The following ARFGEF2 variants were observed in gnomAD, a reference collection of about 807,000 sequenced individuals.
The protein encoded by ARFGEF2 is brefeldin A-inhibited guanine nucleotide-exchange protein 2.
Under a neutral mutation model 219.9 loss-of-function variants are expected in ARFGEF2, and 74 were observed. That is an observed-to-expected ratio of 0.34 (90% confidence interval 0.28 to 0.41). The LOEUF (loss-of-function observed/expected upper bound fraction) is 0.41. ARFGEF2 is among the 10% of genes least tolerant of loss of function. ARFGEF2 has a pLI of 1.00. For synonymous variants in ARFGEF2, 733 were observed against 799.2 expected (o/e 0.92, Z 1.40); for missense variants, 1,743 against 2,218.3 (o/e 0.79, Z 4.30).
chr20:49,008,008 T>C (rs1282765833), intron 26 of ARFGEF2, among the ~76,000 whole-genome samples: 2 of 152,080 alleles, frequency 1.3e-5, no homozygotes, highest in Non-Finnish European at 2.9e-5. Context: ...TCAGATACTG[T>C]TGGTGGAACT....
rs201783984 is a variant in ARFGEF2 at position 48,949,001 on chromosome 20, T to TA, written c.277-2321dup. ...ATAAGAAAAATAATTACGTTTGTCT[T>TA]ACTATTGTATCCCCAGTGCCCAGAA... On this transcript the variant is annotated intron_variant, in intron 3 of 38. Transcript: ENST00000371917. 8.9e-3 allele frequency among the ~76,000 whole-genome samples: 1,351 copies of TA among 152,304 alleles called. 11 individuals carry two copies. The highest frequency in any genetic ancestry group is 0.017 in the Middle Eastern group (5 of 294).
rs1485359971 is a variant in ARFGEF2, at chr20:49,033,878, G to A, written c.*679G>A. ...TTGCGAGGTTAAAAAAATGTGCCTC[G>A]TGGATCTCCCTGTTTTAGTAACATG... is the stretch of plus-strand genomic sequence containing the variant. On this transcript the variant is annotated 3_prime_UTR_variant, in exon 39 of 39. Coordinates refer to ENST00000371917, the MANE Select transcript of ARFGEF2 (RefSeq NM_006420.3). The A allele has an allele frequency of 2.0e-5, 3 of 152,480 alleles. No homozygotes were observed. Among genetic ancestry groups the A allele is most frequent in the Non-Finnish European group, 2.9e-5 (2 of 68,058 alleles). The allele number at this position is 152,480 out of a possible 1,614,324, so 9.4% of individuals were successfully genotyped here.
chr20:49,017,576 TGTC>T (rs1406365385), intron 33 of ARFGEF2, 26 bp downstream of exon 33: 2 of 1,613,462 alleles, frequency 1.2e-6, no homozygotes, highest in South Asian at 2.2e-5. Context: ...TTTCTTTGGT[TGTC>T]TTTTCTTTTT....
At chr20:49,030,027 C>T (rs1199697647) in intron 37 of ARFGEF2, among the ~76,000 whole-genome samples, 2 of 151,122 alleles carry the variant, frequency 1.3e-5, no homozygotes, top group African/African-American at 4.9e-5. Flanking sequence ...TCTGCATCAG[C>T]CTCCCGAGTA....
At chr20:48,963,317 T>C (rs1421750000) in intron 6 of ARFGEF2, among the ~76,000 whole-genome samples, 1 of 152,218 alleles carries the variant, frequency 6.6e-6, no homozygotes, top group Non-Finnish European at 1.5e-5. Context: ...GTTAACATTT[T>C]ACAGAATAAT....
Position 48,953,798 on chromosome 20 carries a change from CTGATACGGTATG to C in ARFGEF2, c.838+9_838+20del. 6.2e-7 allele frequency: 1 copy of C among 1,612,298 alleles called. No individual in the cohort carries two copies. On this transcript the variant is annotated intron_variant, in intron 6 of 38. Coordinates refer to ENST00000371917, the MANE Select transcript of ARFGEF2 (RefSeq NM_006420.3). Reference sequence around the variant, plus strand: ...GAGGCTCATCACTGTCAGGTACGGGCTGATACGGTATGGCTCTTTTTCCAAGTGTGAGAGGGA... The same window carrying C: ...GAGGCTCATCACTGTCAGGTACGGGCGCTCTTTTTCCAAGTGTGAGAGGGA...
chr20:48,966,211 G>C (rs1249003732), intron 8 of ARFGEF2, among the ~76,000 whole-genome samples, 188 bp downstream of exon 8: 2 of 152,106 alleles, frequency 1.3e-5, no homozygotes, highest in East Asian at 3.9e-4. Context: ...ATGTTGCTTG[G>C]TATATAACAT....
chr20:48,945,621 T>TGGAAGGCC (rs2091020977), intron 3 of ARFGEF2, among the ~76,000 whole-genome samples: 1 of 152,164 alleles, frequency 6.6e-6, no homozygotes, highest in South Asian at 2.1e-4. Context: ...CCCAGCACTT[T>TGGAAGGCC]GAGGCAGGAG....
intron 6 of ARFGEF2, among the ~76,000 whole-genome samples, chr20:48,958,666 TCTC>T (rs1391390644): frequency 6.6e-6 from 1 of 151,982 alleles, no homozygotes; most frequent in Non-Finnish European, 1.5e-5. Context: ...ATGGTCTCGA[TCTC>T]CTGACCTCGT....
At chr20:48,995,393 C>G (rs893858005) in intron 22 of ARFGEF2, among the ~76,000 whole-genome samples, 1 of 152,054 alleles carries the variant, frequency 6.6e-6, no homozygotes, top group Non-Finnish European at 1.5e-5. Context: ...TTAGGGTTCT[C>G]GTGAGGATGA....
intron 34 of ARFGEF2, among the ~76,000 whole-genome samples, chr20:49,021,242 G>GA (rs983061001): frequency 2.9e-5 from 4 of 139,286 alleles, no homozygotes; most frequent in Admixed American, 7.1e-5. Flanking sequence ...TCTCTAAGAA[G>GA]AAAAAAAAAA....
In ARFGEF2 at chr20:48,973,198, G is replaced by A. The variant is rs1322615138; in HGVS notation, c.1579G>A (p.Ala527Thr). 6 of 1,614,034 alleles carry A rather than the reference G, an allele frequency of 3.7e-6. No individual in the cohort carries two copies. Among genetic ancestry groups the A allele is most frequent in the Non-Finnish European group, 5.1e-6 (6 of 1,180,004 alleles). The change falls in exon 12 of 39, where the codon GCT becomes ACT. Residue 527 changes from alanine (A) to threonine (T), a missense_variant. Ala to Thr is a moderately conservative substitution (Grantham distance 58). Coordinates refer to ENST00000371917, the MANE Select transcript of ARFGEF2 (RefSeq NM_006420.3). ...YVNYDCDLNA[A>T]NIFERLVNDL... ...CAACTACGACTGTGATTTAAATGCT[G>A]CTAACATTTTTGAGCGCCTTGTAAA...
intron 14 of ARFGEF2, among the ~76,000 whole-genome samples, chr20:48,979,811 CGGT>C (rs1464694282): frequency 2.0e-5 from 3 of 152,050 alleles, no homozygotes; most frequent in Non-Finnish European, 4.4e-5. Flanking sequence ...TCTGTGGGAT[CGGT>C]GGTGATATCC....
chr20:49,025,275 T>G lies in ARFGEF2; in HGVS notation c.4756-38T>G, dbSNP rs765859620. The G allele has an allele frequency of 2.5e-6, 4 of 1,585,772 alleles. No homozygotes were observed. In the South Asian group the frequency reaches 4.6e-5, roughly 18 times the overall value. On this transcript the variant is annotated intron_variant, in intron 35 of 38. Transcript: ENST00000371917. ...TCACAATGCCCAGAGCATTCCATCT[T>G]CTTCATTAGCTCTTCTATCCTCTGT...
rs750978690 is a variant in ARFGEF2 at position 49,016,434 on chromosome 20, G to T, written c.4315+19G>T. On this transcript the variant is annotated intron_variant, in intron 31 of 38. Coordinates refer to ENST00000371917, the MANE Select transcript of ARFGEF2 (RefSeq NM_006420.3). ...AAACAAGGTACTCTTTAAGCCTCTAGGCATCATTTTTCTTACATAGTCTTT... is the reference window on the plus strand; with the variant it reads ...AAACAAGGTACTCTTTAAGCCTCTATGCATCATTTTTCTTACATAGTCTTT... The T allele has an allele frequency of 4.4e-6, 7 of 1,608,962 alleles. No individual in the cohort carries two copies. In the East Asian group the frequency reaches 1.6e-4, roughly 36 times the overall value.
intron 28 of ARFGEF2, among the ~76,000 whole-genome samples, chr20:49,012,587 G>A (rs1394312609): frequency 1.3e-5 from 2 of 152,120 alleles, no homozygotes; most frequent in Non-Finnish European, 2.9e-5. Flanking sequence ...ACTGAAATAG[G>A]GTGAAAACAA....
At position 48,988,813 on chromosome 20, in the gene ARFGEF2, C is replaced by CA. The variant is rs368602759; in HGVS notation, c.2533+151_2533+152insA. On this transcript the variant is annotated intron_variant, in intron 18 of 38. Transcript: ENST00000371917. ...ATTAATTATTGTGATTATGTTGGGACTTTTATAATGTCACTGTCTTGCTAG... is the reference window on the plus strand; with the variant it reads ...ATTAATTATTGTGATTATGTTGGGACATTTTATAATGTCACTGTCTTGCTAG... 7.5e-3 allele frequency: 5,869 copies of CA among 783,086 alleles called. 35 individuals carry two copies. Among genetic ancestry groups the CA allele is most frequent in the Admixed American group, 0.012 (440 of 35,982 alleles). The allele number at this position is 783,086 out of a possible 1,614,324, so 48.5% of individuals were successfully genotyped here.
At chr20:49,005,456 C>T (rs1371744387) in intron 26 of ARFGEF2, among the ~76,000 whole-genome samples, 1 of 151,982 alleles carries the variant, frequency 6.6e-6, no homozygotes, top group African/African-American at 2.4e-5. Flanking sequence ...TGTCGTGAAC[C>T]GGCTGGGCAC....
At position 48,978,071 on chromosome 20, in the gene ARFGEF2, G is replaced by A. The variant is rs138424201; in HGVS notation, c.1958+1872G>A. 9.5e-4 allele frequency among the ~76,000 whole-genome samples: 144 copies of A among 152,278 alleles called. 2 individuals are homozygous for A. Among genetic ancestry groups the A allele is most frequent in the African/African-American group, 3.3e-3 (136 of 41,554 alleles). On this transcript the variant is annotated intron_variant, in intron 14 of 38. Coordinates refer to ENST00000371917, the MANE Select transcript of ARFGEF2 (RefSeq NM_006420.3). ...CTTGCCCACGCCTAGTTCCTGAATG[G>A]TATTGCCTAGGTTTTCTTCTAGAGT... is the stretch of plus-strand genomic sequence containing the variant.
Sources: gnomAD v4.1 joint callset for allele counts (sites outside exome capture counted in the v4.1 genomes callset) on GRCh38, gnomAD v4.1.1 for gene constraint, MANE v1.5 for transcripts, NCBI Gene and HGNC (gene_info 2026-07-23, HGNC 2026-07-21) for gene names.